ATP12A: variants seen among roughly 807,000 people sequenced by gnomAD.
ATP12A encodes ATPase H+/K+ transporting non-gastric alpha2 subunit, also known as potassium-transporting ATPase alpha chain 2.
Under a neutral mutation model 111.2 loss-of-function variants are expected in ATP12A, and 81 were observed. The observed-to-expected ratio is 0.73, with a 90% confidence interval of 0.61 to 0.88. ATP12A has a LOEUF of 0.88. ATP12A is among the 40% of genes least tolerant of loss of function. The pLI is 0.00. For missense variants in ATP12A, 1,196 were observed against 1,313.1 expected (o/e 0.91, Z 1.38); for synonymous variants, 498 against 499.8 (o/e 1.00, Z 0.05).
At position 24,702,546 on chromosome 13, in the gene ATP12A, T is replaced by C. The variant is rs536535508; in HGVS notation, c.2018+475T>C. ...CCCTTCTTTTTTATTTGGTAATAGATAGAATGGAAGCTTCCTAAGGAAAGT... is the reference window on the plus strand; with the variant it reads ...CCCTTCTTTTTTATTTGGTAATAGACAGAATGGAAGCTTCCTAAGGAAAGT... On this transcript the variant is annotated intron_variant, in intron 14 of 22. Coordinates refer to ENST00000381946, the MANE Select transcript of ATP12A (RefSeq NM_001676.7). 5.7e-4 allele frequency among the ~76,000 whole-genome samples: 87 copies of C among 152,342 alleles called. 2 individuals are homozygous for C. The South Asian group carries it at 0.018, about 31-fold the overall frequency.
At position 24,711,942 on chromosome 13, in the gene ATP12A, C is replaced by T. The variant is rs1593146685; in HGVS notation, c.*420C>T. 9.1e-6 allele frequency: 2 copies of T among 218,796 alleles called. No individual in the cohort carries two copies. The highest frequency in any genetic ancestry group is 2.4e-4 in the East Asian group (2 of 8,472). 13.6% of individuals were successfully genotyped at this position (218,796 alleles called of 1,614,324 possible). The stretch of plus-strand genomic sequence containing the variant: ...TGACCTCCCTAAGATTTCTGCAGAT[C>T]CCCTGAGAAGGTATGTTTTCATGGT... On this transcript the variant is annotated 3_prime_UTR_variant, in exon 23 of 23. Transcript: ENST00000381946.
chr13:24,690,337 G>A lies in ATP12A; in HGVS notation c.547-1G>A. On this transcript the variant is annotated splice_acceptor_variant, in intron 5 of 22. Transcript: ENST00000381946. LOFTEE classifies it high-confidence loss of function. ...GCATCTGTCATGGTTTTTTTCTGCAGCAAGCTCTCGTCATCCGAGATTCCG... is the reference window on the plus strand; with the variant it reads ...GCATCTGTCATGGTTTTTTTCTGCAACAAGCTCTCGTCATCCGAGATTCCG... The A allele has an allele frequency of 6.2e-7, 1 of 1,612,706 alleles. No individual in the cohort carries two copies.
intron 11 of ATP12A, among the ~76,000 whole-genome samples, chr13:24,695,427 G>A (rs1047625801): frequency 6.6e-6 from 1 of 152,104 alleles, no homozygotes. Context: ...ACAGTTGGGA[G>A]CCCCAGGTCC....
intron 1 of ATP12A, among the ~76,000 whole-genome samples, chr13:24,681,006 G>T (rs961433843): frequency 6.6e-6 from 1 of 152,194 alleles, no homozygotes; most frequent in Non-Finnish European, 1.5e-5. Context: ...GGGGCCAAGG[G>T]GTCCTAGGCC....
At chr13:24,710,028 G>C (rs1875893124) in intron 19 of ATP12A, among the ~76,000 whole-genome samples, 200 bp downstream of exon 19, 1 of 152,236 alleles carries the variant, frequency 6.6e-6, no homozygotes, top group East Asian at 1.9e-4. Flanking sequence ...TAGATGACAA[G>C]AGGTCCCTTT....
At chr13:24,693,000 G>A in intron 10 of ATP12A, 104 bp downstream of exon 10, 1 of 1,115,890 alleles carries the variant, frequency 9.0e-7, no homozygotes, top group Non-Finnish European at 1.3e-6. Flanking sequence ...CTTAAAGTTT[G>A]TTCAGTGCTT....
rs1875911192 is a variant in ATP12A, at chr13:24,710,457, C to T, written c.2764-3C>T. 10 of 1,613,826 alleles carry T rather than the reference C, an allele frequency of 6.2e-6. No homozygotes were observed. The highest frequency in any genetic ancestry group is 1.6e-4 in the Middle Eastern group (1 of 6,080). ...GGTCTCTTCCTTCTCTGCCCATTAA[C>T]AGACAAGGTACCAGAGGGAATACCT... On this transcript the variant is annotated splice_region_variant and splice_polypyrimidine_tract_variant and intron_variant, in intron 19 of 22. Coordinates refer to ENST00000381946, the MANE Select transcript of ATP12A (RefSeq NM_001676.7).
chr13:24,698,774 C>T lies in ATP12A; in HGVS notation c.1629C>T (p.His543=), dbSNP rs1875274767. The change falls in exon 12 of 23, where the codon CAC becomes CAT. Residue 543 remains histidine (H), a synonymous_variant. Coordinates refer to ENST00000381946, the MANE Select transcript of ATP12A (RefSeq NM_001676.7). ...CCATCATGATCAACGGCGAGGAGCA[C>T]CCACTGGACAAGAGCACTGCCAAGA... is the stretch of plus-strand genomic sequence containing the variant. ...CSTIMINGEE[H]PLDKSTAKTF... is the part of the protein sequence containing the mutation. 1 of 1,614,046 alleles carries T rather than the reference C, an allele frequency of 6.2e-7. No homozygotes were observed. Among genetic ancestry groups the T allele is most frequent in the Non-Finnish European group, 8.5e-7 (1 of 1,180,030 alleles).
chr13:24,708,291 C>T (rs1475466398), intron 17 of ATP12A, among the ~76,000 whole-genome samples: 1 of 152,206 alleles, frequency 6.6e-6, no homozygotes, highest in East Asian at 1.9e-4. Flanking sequence ...GCCCATGTGG[C>T]TGTGGCTTAC....
chr13:24,706,196 C>T, intron 14 of ATP12A, 117 bp from the exon 15 acceptor site: 1 of 1,376,110 alleles, frequency 7.3e-7, no homozygotes, highest in Non-Finnish European at 9.8e-7. Flanking sequence ...CATTAGGTAT[C>T]AAGGACACTG....
At chr13:24,691,529 C>T (rs1014780547) in intron 8 of ATP12A, among the ~76,000 whole-genome samples, 1 of 152,194 alleles carries the variant, frequency 6.6e-6, no homozygotes, top group Non-Finnish European at 1.5e-5. Context: ...AGACAGACTC[C>T]ACCATTCACA....
chr13:24,687,792 T>C (rs897108404), intron 3 of ATP12A, among the ~76,000 whole-genome samples: 4 of 152,216 alleles, frequency 2.6e-5, no homozygotes, highest in African/African-American at 7.2e-5. Context: ...AGCTTCCCTA[T>C]TTCCTGGGGA....
At position 24,711,796 on chromosome 13, in the gene ATP12A, A is replaced by G; in HGVS notation, c.*274A>G. ...TAATGGTATAGGGAAGAATGTGTTT[A>G]TGTGTATTTGAAACTCCTTGATGTT... is the stretch of plus-strand genomic sequence containing the variant. On this transcript the variant is annotated 3_prime_UTR_variant, in exon 23 of 23. Coordinates refer to ENST00000381946, the MANE Select transcript of ATP12A (RefSeq NM_001676.7). The G allele has an allele frequency of 1.9e-6, 1 of 519,924 alleles. No individual in the cohort carries two copies. Among genetic ancestry groups the G allele is most frequent in the Non-Finnish European group, 3.5e-6 (1 of 289,430 alleles). The allele number at this position is 519,924 out of a possible 1,614,324, so 32.2% of individuals were successfully genotyped here.
chr13:24,704,404 T>A (rs1875526455), intron 14 of ATP12A: 1 of 152,334 alleles, frequency 6.6e-6, no homozygotes, highest in African/African-American at 2.4e-5. Context: ...TAGGAAGATT[T>A]GTTTGGCCTT....
chr13:24,690,775 C>T, intron 7 of ATP12A, 54 bp downstream of exon 7: 2 of 1,540,120 alleles, frequency 1.3e-6, no homozygotes, highest in East Asian at 4.5e-5. Context: ...TTTCTCCCTC[C>T]TGGGCTCTCA....
chr13:24,686,440 CA>C (rs60902451), intron 3 of ATP12A, among the ~76,000 whole-genome samples: 38,170 of 93,542 alleles, frequency 0.41, 6,432 homozygotes, highest in East Asian at 0.69. Flanking sequence ...AACTCCATCT[CA>C]AAAAAAAAAA....
In ATP12A at chr13:24,690,339, A is replaced by G; in HGVS notation, c.548A>G (p.Gln183Arg). Residue 183 changes from glutamine (Q) to arginine (R), a missense_variant and splice_region_variant, in exon 6 of 23, where the codon CAA becomes CGA. Around this residue, in one of 3 missense-constraint regions of ATP12A, gnomAD observed 1,126 missense variants for 1,228.5 expected, o/e 0.92. Coordinates refer to ENST00000381946, the MANE Select transcript of ATP12A (RefSeq NM_001676.7). Reference sequence around the variant, plus strand: ...ATCTGTCATGGTTTTTTTCTGCAGCAAGCTCTCGTCATCCGAGATTCCGAG... The same window carrying G: ...ATCTGTCATGGTTTTTTTCTGCAGCGAGCTCTCGTCATCCGAGATTCCGAG... ...MSSFNKMIPQQALVIRDSEKK... is the reference protein window; with the variant it reads ...MSSFNKMIPQRALVIRDSEKK... 1.2e-6 allele frequency: 2 copies of G among 1,612,434 alleles called. No homozygotes were observed. Among genetic ancestry groups the G allele is most frequent in the Middle Eastern group, 1.7e-4 (1 of 6,050 alleles).
At chr13:24,693,766 T>C (rs1224880338) in intron 10 of ATP12A, among the ~76,000 whole-genome samples, 1 of 152,262 alleles carries the variant, frequency 6.6e-6, no homozygotes, top group Admixed American at 6.5e-5. Context: ...TTTGACTTTA[T>C]CCTTTCCTTA....
intron 4 of ATP12A, among the ~76,000 whole-genome samples, chr13:24,688,905 T>C (rs746664934): frequency 5.9e-5 from 9 of 152,098 alleles, no homozygotes; most frequent in Non-Finnish European, 1.5e-5. Flanking sequence ...ACAAGCTACA[T>C]GTCATAGGAT....
Sources: gnomAD v4.1 joint callset for allele counts (sites outside exome capture counted in the v4.1 genomes callset) on GRCh38, gnomAD v4.1.1 for gene constraint, gnomAD v4.1.1 regional missense constraint, MANE v1.5 for transcripts, NCBI Gene and HGNC (gene_info 2026-07-23, HGNC 2026-07-21) for gene names.